Variants in DACH2 observed in about 807,000 individuals in gnomAD.
The protein encoded by DACH2 is dachshund family transcription factor 2.
In DACH2, 17 loss-of-function variants were observed where a neutral mutation model predicts 35.8. The observed-to-expected ratio is 0.48, with a 90% CI of 0.33 to 0.71. The LOEUF (loss-of-function observed/expected upper bound fraction) is 0.71, where lower values mean the gene tolerates loss of function less well. DACH2 is among the 30% of genes least tolerant of loss of function. The probability of loss-of-function intolerance (pLI) is 0.02; values close to 1 mark genes in which losing one functional copy is unlikely to be tolerated. For missense variants in DACH2, 469 were observed against 472.7 expected (o/e 0.99, Z 0.07); for synonymous variants, 195 against 177.3 (o/e 1.10, Z -0.79).
chrX:86,391,891 A>T (rs1382404099), intron 2 of DACH2, among the ~76,000 whole-genome samples: 1 of 111,648 alleles, frequency 9.0e-6, no homozygotes, highest in Non-Finnish European at 1.9e-5. Flanking sequence ...ATCTTATTCT[A>T]GATCGTGGGT....
At chrX:86,241,900 T>A (rs774586123) in intron 1 of DACH2, among the ~76,000 whole-genome samples, 1 of 112,238 alleles carries the variant, frequency 8.9e-6, no homozygotes, top group East Asian at 2.8e-4. Context: ...TTCCACATGG[T>A]GTTGGGCCTG....
At chrX:86,720,691 C>A (rs1216459582) in intron 6 of DACH2, among the ~76,000 whole-genome samples, 2 of 112,085 alleles carry the variant, frequency 1.8e-5, no homozygotes, top group African/African-American at 6.5e-5. Flanking sequence ...GTGGATCTAA[C>A]ATTCCATGGT....
chrX:86,671,194 A>G (rs1246717249), intron 4 of DACH2, among the ~76,000 whole-genome samples: 1 of 112,205 alleles, frequency 8.9e-6, no homozygotes, highest in Non-Finnish European at 1.9e-5. Flanking sequence ...GTTCTCTGTG[A>G]CCTTCATTGT....
intron 1 of DACH2, among the ~76,000 whole-genome samples, chrX:86,283,545 G>C (rs972763710): frequency 6.3e-5 from 7 of 111,224 alleles, no homozygotes; most frequent in Admixed American, 9.6e-5. Context: ...ATACTATGCA[G>C]CTGTAAAAAA....
chrX:86,287,228 GT>G (rs958721368), intron 1 of DACH2, among the ~76,000 whole-genome samples: 4 of 111,826 alleles, frequency 3.6e-5, no homozygotes, highest in African/African-American at 1.3e-4. Flanking sequence ...GGCCTGTGAG[GT>G]TTCCATTGAA....
At position 86,832,110 on chromosome X, in the gene DACH2, T is replaced by C; in HGVS notation, c.1755T>C (p.Gly585=). The change falls in exon 12 of 12, where the codon GGT becomes GGC. Residue 585 remains glycine (G), a synonymous_variant. Transcript: ENST00000373125. The part of the protein sequence containing the change: ...TPHDSAAMQG[G]NYYCLEMAQQ... ...CTTGTTTTCTTTTTTTTTAAGGAGG[T>C]AACTATTACTGTTTAGAAATGGCAC... is the stretch of plus-strand genomic sequence containing the variant. 1 of 1,181,215 alleles carries C rather than the reference T, an allele frequency of 8.5e-7. No individual in the cohort carries two copies. The highest frequency in any genetic ancestry group is 1.1e-6 in the Non-Finnish European group (1 of 871,205).
chrX:86,482,275 T>C (rs886412379), intron 2 of DACH2, among the ~76,000 whole-genome samples: 4 of 112,405 alleles, frequency 3.6e-5, no homozygotes, highest in Non-Finnish European at 7.5e-5. Context: ...TTTATGCAAT[T>C]ATAAATTTTC....
intron 1 of DACH2, among the ~76,000 whole-genome samples, chrX:86,203,243 A>C (rs1341261216): frequency 9.0e-6 from 1 of 111,555 alleles, no homozygotes; most frequent in African/African-American, 3.3e-5. Flanking sequence ...AAGGCTTACT[A>C]TACAGATTTA....
At chrX:86,285,074 T>C (rs1316910763) in intron 1 of DACH2, among the ~76,000 whole-genome samples, 4 of 112,055 alleles carry the variant, frequency 3.6e-5, no homozygotes, top group Non-Finnish European at 7.5e-5. Context: ...TCTTCTTTCT[T>C]CTTTGATCAG....
chrX:86,332,385 A>T (rs1292288144), intron 1 of DACH2, among the ~76,000 whole-genome samples: 6 of 111,564 alleles, frequency 5.4e-5, no homozygotes, highest in Non-Finnish European at 1.1e-4. Context: ...TTTTTGTATG[A>T]GTAGTCTAAT....
intron 3 of DACH2, among the ~76,000 whole-genome samples, chrX:86,625,209 AGT>A (rs72281959): frequency 0.05 from 4,253 of 85,244 alleles, 126 homozygotes; most frequent in Admixed American, 0.097. Context: ...AAACCTTCTT[AGT>A]GTGTGTGTGT....
chrX:86,727,688 T>G (rs1294292095), intron 6 of DACH2, among the ~76,000 whole-genome samples: 2 of 110,583 alleles, frequency 1.8e-5, no homozygotes, highest in Non-Finnish European at 3.8e-5. Flanking sequence ...CCCATCACAT[T>G]CTCTTGCTCC....
chrX:86,548,873 T>A (rs1428931886), intron 3 of DACH2, among the ~76,000 whole-genome samples: 2 of 112,218 alleles, frequency 1.8e-5, no homozygotes, highest in Non-Finnish European at 3.8e-5. Context: ...AAATGTACTA[T>A]TTTGGGGCAA....
chrX:86,389,604 G>T (rs2036170142), intron 2 of DACH2, among the ~76,000 whole-genome samples: 1 of 111,958 alleles, frequency 8.9e-6, no homozygotes, highest in Admixed American at 9.5e-5. Flanking sequence ...ACAGGAGAGT[G>T]CCTCTTTAAA....
At chrX:86,193,460 G>C (rs149358019) in intron 1 of DACH2, among the ~76,000 whole-genome samples, 3,645 of 111,368 alleles carry the variant, frequency 0.033, 145 homozygotes, top group African/African-American at 0.11. Flanking sequence ...AGGTCAAACT[G>C]GGCTGCATTA....
At chrX:86,401,769 G>A (rs186056307) in intron 2 of DACH2, among the ~76,000 whole-genome samples, 12 of 101,421 alleles carry the variant, frequency 1.2e-4, no homozygotes, top group Non-Finnish European at 1.8e-4. Flanking sequence ...GATGAACATA[G>A]ATGAAAGAAA....
chrX:86,509,428 G>A (rs781331009), intron 2 of DACH2, among the ~76,000 whole-genome samples: 3 of 111,461 alleles, frequency 2.7e-5, no homozygotes, highest in Admixed American at 9.6e-5. Context: ...TGCCCATTTT[G>A]CATGGATGAC....
chrX:86,170,726 G>A (rs1346733897), intron 1 of DACH2, among the ~76,000 whole-genome samples: 1 of 112,299 alleles, frequency 8.9e-6, no homozygotes, highest in Non-Finnish European at 1.9e-5. Flanking sequence ...AAATATCTGA[G>A]ACAGGTCTCA....
At chrX:86,155,473 A>T (rs1380693040) in intron 1 of DACH2, among the ~76,000 whole-genome samples, 1 of 111,111 alleles carries the variant, frequency 9.0e-6, no homozygotes, top group Non-Finnish European at 1.9e-5. Flanking sequence ...AGGAACTTTG[A>T]TATAACGCTA....
Sources: gnomAD v4.1 joint callset for allele counts (sites outside exome capture counted in the v4.1 genomes callset) on GRCh38, gnomAD v4.1.1 for gene constraint, MANE v1.5 for transcripts, NCBI Gene and HGNC (gene_info 2026-07-23, HGNC 2026-07-21) for gene names.